Variants in ZSWIM4 observed in about 807,000 individuals in gnomAD.
The protein encoded by ZSWIM4 is zinc finger SWIM domain-containing protein 4.
ZSWIM4 carries 62 observed loss-of-function variants against 102.5 expected under a neutral mutation model. The observed-to-expected ratio is 0.60, with a 90% CI of 0.49 to 0.75. The LOEUF is 0.75. Among genes scored for constraint, ZSWIM4 ranks in the 30% least tolerant of loss-of-function variants. ZSWIM4 has a pLI of 0.00. For missense variants in ZSWIM4, 1,280 were observed against 1,529.6 expected (o/e 0.84, Z 2.72); for synonymous variants, 652 against 674.5 (o/e 0.97, Z 0.52).
chr19:13,828,794 C>A, intron 13 of ZSWIM4, 68 bp downstream of exon 13: 2 of 1,481,460 alleles, frequency 1.4e-6, no homozygotes, highest in South Asian at 1.1e-5. Flanking sequence ...ACTGAGAGAA[C>A]CAGGCAGACA....
chr19:13,830,504 G>T lies in ZSWIM4; in HGVS notation c.2775G>T (p.Val925=), dbSNP rs1378282571. The T allele has an allele frequency of 3.7e-6, 6 of 1,600,442 alleles. No individual in the cohort carries two copies. Among genetic ancestry groups the T allele is most frequent in the Non-Finnish European group, 5.1e-6 (6 of 1,179,546 alleles). ...GGLGHAHLFT[V]ARYMEHRGLP... ...TGGGCCACGCCCACCTCTTCACTGT[G>T]GCCCGCTATATGGAGCACCGCGGGC... The change falls in exon 14 of 14, where the codon GTG becomes GTT. Residue 925 remains valine (V), a synonymous_variant. Coordinates refer to ENST00000590508, the MANE Select transcript of ZSWIM4 (RefSeq NM_001367834.3).
intron 2 of ZSWIM4, among the ~76,000 whole-genome samples, chr19:13,801,067 C>G (rs1254122112): frequency 6.6e-6 from 1 of 151,352 alleles, no homozygotes; most frequent in Non-Finnish European, 1.5e-5. Context: ...CGCTTTTGCC[C>G]GAGAGGTCGA....
chr19:13,829,656 C>G (rs529991232), intron 13 of ZSWIM4, among the ~76,000 whole-genome samples: 2 of 152,068 alleles, frequency 1.3e-5, no homozygotes, highest in Middle Eastern at 6.8e-3. Flanking sequence ...AACCCCGTCT[C>G]TACTAAAAAT....
chr19:13,824,753 A>G (rs531492745), intron 11 of ZSWIM4, among the ~76,000 whole-genome samples: 1,324 of 64,934 alleles, frequency 0.02, 12 homozygotes, highest in Middle Eastern at 0.033. Flanking sequence ...TAATAATAAT[A>G]ATAATAATAA....
At position 13,795,789 on chromosome 19, in the gene ZSWIM4, G is replaced by C. The variant is rs1004347427; in HGVS notation, c.141G>C (p.Trp47Cys). 7 of 1,252,464 alleles carry C rather than the reference G, an allele frequency of 5.6e-6. No homozygotes were observed. In the African/African-American group the frequency reaches 1.1e-4, roughly 19 times the overall value. 77.6% of individuals were successfully genotyped at this position (1,252,464 alleles called of 1,614,324 possible). A position where few individuals can be genotyped will look rare whatever the true frequency, so the allele number is the denominator to read the frequency against. ...DLSAKRVAESWAFEQVEERFS... is the reference protein window; with the variant it reads ...DLSAKRVAESCAFEQVEERFS... Reference sequence around the variant, plus strand: ...GCGCCAAGCGGGTAGCCGAGAGCTGGGCCTTCGAGCAGGTGACCGCGGGGG... The same window carrying C: ...GCGCCAAGCGGGTAGCCGAGAGCTGCGCCTTCGAGCAGGTGACCGCGGGGG... The change falls in exon 1 of 14, where the codon TGG becomes TGC. Residue 47 changes from tryptophan to cysteine, a missense_variant. Transcript: ENST00000590508.
chr19:13,800,195 G>T (rs1299642258), intron 2 of ZSWIM4, among the ~76,000 whole-genome samples: 1 of 144,818 alleles, frequency 6.9e-6, no homozygotes, highest in Non-Finnish European at 1.5e-5. Context: ...CTCCCGAGTA[G>T]CTGGGATTAC....
At chr19:13,796,219 A>G (rs1196553101) in intron 1 of ZSWIM4, among the ~76,000 whole-genome samples, 1 of 139,866 alleles carries the variant, frequency 7.1e-6, no homozygotes, top group East Asian at 2.2e-4. Context: ...TTATCCCCCA[A>G]CGGTACCCCT....
chr19:13,812,277 G>A (rs1975117353), intron 5 of ZSWIM4, among the ~76,000 whole-genome samples: 1 of 151,602 alleles, frequency 6.6e-6, no homozygotes, highest in Admixed American at 6.6e-5. Flanking sequence ...TGGTTTTTTT[G>A]TTTGTTTGTT....
chr19:13,804,779 G>A lies in ZSWIM4; in HGVS notation c.356-13G>A, dbSNP rs925028879. ...GGGATGACACGGATGCGACAGTTTGGCTTTGATCCTAGGATTCCACCTGAG... is the reference window on the plus strand; with the variant it reads ...GGGATGACACGGATGCGACAGTTTGACTTTGATCCTAGGATTCCACCTGAG... On this transcript the variant is annotated splice_polypyrimidine_tract_variant and intron_variant, in intron 2 of 13. Transcript: ENST00000590508. 1.9e-6 allele frequency: 3 copies of A among 1,560,582 alleles called. No individual in the cohort carries two copies. Among genetic ancestry groups the A allele is most frequent in the African/African-American group, 1.4e-5 (1 of 74,002 alleles).
rs529244095 is a variant in ZSWIM4 at position 13,827,603 on chromosome 19, A to AG, written c.2380-1042_2380-1041insG. 2.7e-3 allele frequency among the ~76,000 whole-genome samples: 386 copies of AG among 143,822 alleles called. 2 individuals carry two copies. The highest frequency in any genetic ancestry group is 4.4e-3 in the Non-Finnish European group (295 of 67,738). 94.4% of individuals were successfully genotyped at this position (143,822 alleles called of 152,430 possible). A position where few individuals can be genotyped will look rare whatever the true frequency, so the allele number is the denominator to read the frequency against. On this transcript the variant is annotated intron_variant, in intron 12 of 13. Coordinates refer to ENST00000590508, the MANE Select transcript of ZSWIM4 (RefSeq NM_001367834.3). Reference sequence around the variant, plus strand: ...GTGAGACCCTCAAAAAAAAAAAAAAAAAAAGAAAAGAAAAAAAAAGAAACT... The same window carrying AG: ...GTGAGACCCTCAAAAAAAAAAAAAAAGAAAAGAAAAGAAAAAAAAAGAAACT...
At chr19:13,801,753 C>T (rs1974776309) in intron 2 of ZSWIM4, among the ~76,000 whole-genome samples, 1 of 151,086 alleles carries the variant, frequency 6.6e-6, no homozygotes, top group African/African-American at 2.4e-5. Flanking sequence ...CTCACTGCAA[C>T]CTCCACCTCC....
rs1321623063 is a variant in ZSWIM4, at chr19:13,811,882, T to C, written c.1013-1115T>C. ...TTGAGGTCAGGAGATCGAGACCAGC[T>C]TGGCCAACATGGTGAAACCCCGCCT... On this transcript the variant is annotated intron_variant, in intron 5 of 13. Coordinates refer to ENST00000590508, the MANE Select transcript of ZSWIM4 (RefSeq NM_001367834.3). Among the ~76,000 whole-genome samples, 3 of 151,914 alleles carry C rather than the reference T, an allele frequency of 2.0e-5. 1 individual carries two copies. The highest frequency in any genetic ancestry group is 7.3e-5 in the African/African-American group (3 of 41,368).
Position 13,832,200 on chromosome 19 carries a change from C to G in ZSWIM4, c.*1150C>G, listed in dbSNP as rs1469843634. 7.3e-6 allele frequency: 1 copy of G among 136,810 alleles called. No homozygotes were observed. The highest frequency in any genetic ancestry group is 1.5e-5 in the Non-Finnish European group (1 of 65,642). 8.5% of individuals were successfully genotyped at this position (136,810 alleles called of 1,614,324 possible). Reference sequence around the variant, plus strand: ...TTGAGACTGGGGTGCATCTCCAGAGCCACTCACACCCTCAACCTCGTTTCC... The same window carrying G: ...TTGAGACTGGGGTGCATCTCCAGAGGCACTCACACCCTCAACCTCGTTTCC... On this transcript the variant is annotated 3_prime_UTR_variant, in exon 14 of 14. Coordinates refer to ENST00000590508, the MANE Select transcript of ZSWIM4 (RefSeq NM_001367834.3).
intron 2 of ZSWIM4, among the ~76,000 whole-genome samples, chr19:13,800,714 G>A (rs2145256660): frequency 6.6e-6 from 1 of 152,296 alleles, no homozygotes; most frequent in South Asian, 2.1e-4. Flanking sequence ...GCCTGTACAC[G>A]ATGTTTTGAG....
intron 5 of ZSWIM4, among the ~76,000 whole-genome samples, chr19:13,810,909 CTTT>C (rs58776366): frequency 2.1e-5 from 2 of 94,114 alleles, no homozygotes; most frequent in Non-Finnish European, 4.2e-5. Context: ...CACGCCCAGC[CTTT>C]TTTTTTTTTT....
Position 13,830,770 on chromosome 19 carries a change from G to A in ZSWIM4, c.3041G>A (p.Gly1014Glu), listed in dbSNP as rs1443528275. 6.2e-7 allele frequency: 1 copy of A among 1,605,734 alleles called. No individual in the cohort carries two copies. The highest frequency in any genetic ancestry group is 8.5e-7 in the Non-Finnish European group (1 of 1,176,312). The change falls in exon 14 of 14, where the codon GGG (glycine) becomes GAG (glutamate). Residue 1014 changes from glycine (G) to glutamate (E), a missense_variant. Coordinates refer to ENST00000590508, the MANE Select transcript of ZSWIM4 (RefSeq NM_001367834.3). ...TLSAPGLGPL[G>E]ARRAAKPLGA... is the part of the protein sequence containing the mutation. ...TCGGCGCCCGGTCTGGGCCCCTTAG[G>A]GGCACGCCGGGCCGCCAAGCCACTG...
Position 13,828,559 on chromosome 19 carries a change from T to C in ZSWIM4, c.2380-86T>C, listed in dbSNP as rs867345772. 1.7e-5 allele frequency: 20 copies of C among 1,208,110 alleles called. No individual in the cohort carries two copies. The South Asian group carries it at 2.4e-4, about 15-fold the overall frequency. The allele number at this position is 1,208,110 out of a possible 1,614,324, so 74.8% of individuals were successfully genotyped here. ...TGGATCAGCTTTAACCTCCAAGTGT[T>C]TCTGGGGTCCTCCATCTCCCAACGC... On this transcript the variant is annotated intron_variant, in intron 12 of 13. Transcript: ENST00000590508.
intron 10 of ZSWIM4, among the ~76,000 whole-genome samples, chr19:13,819,815 G>A (rs142281788): frequency 0.01 from 1,512 of 148,700 alleles, 21 homozygotes; most frequent in African/African-American, 0.036. Context: ...TTACAGGCAT[G>A]CACCACCATG....
Position 13,825,683 on chromosome 19 carries a change from G to A in ZSWIM4, c.2349G>A (p.Leu783=). 1 of 1,611,878 alleles carries A rather than the reference G, an allele frequency of 6.2e-7. No homozygotes were observed. Reference sequence around the variant, plus strand: ...TCAGCGCCCCACCAGACACCACGCTGCTGGGCATCGCACTGGAGCTGGGGC... The same window carrying A: ...TCAGCGCCCCACCAGACACCACGCTACTGGGCATCGCACTGGAGCTGGGGC... The part of the protein sequence containing the change: ...TPVSAPPDTT[L]LGIALELGLQ... The change falls in exon 12 of 14, where the codon CTG becomes CTA. Residue 783 remains leucine (L), a synonymous_variant. Transcript: ENST00000590508. The surrounding 1 kb of genome is among the most constrained non-coding windows in gnomAD (Gnocchi z 4.6).
Sources: gnomAD v4.1 joint callset for allele counts (sites outside exome capture counted in the v4.1 genomes callset) on GRCh38, gnomAD v4.1.1 for gene constraint, Gnocchi (gnomAD v3.1) non-coding constraint, MANE v1.5 for transcripts, NCBI Gene and HGNC (gene_info 2026-07-23, HGNC 2026-07-21) for gene names.